Variants in MGAT4C observed in about 807,000 individuals in gnomAD.
The protein encoded by MGAT4C is MGAT4 family member C.
A neutral mutation model predicts 40.1 loss-of-function variants in MGAT4C; 19 were observed. That is an observed-to-expected ratio of 0.47 (90% CI 0.33 to 0.70). MGAT4C has a LOEUF of 0.70. Ranked by LOEUF, MGAT4C falls within the 30% of genes least tolerant of loss-of-function variation. The pLI is 0.02. For missense variants in MGAT4C, 491 were observed against 563.2 expected (o/e 0.87, Z 1.30); for synonymous variants, 181 against 187.1 (o/e 0.97, Z 0.27).
intron 1 of MGAT4C, among the ~76,000 whole-genome samples, chr12:86,753,297 G>A (rs1287569687): frequency 1.3e-5 from 2 of 152,158 alleles, no homozygotes; most frequent in Admixed American, 1.3e-4. Context: ...AAGCTACAAA[G>A]AAAAGCCTGA....
intron 2 of MGAT4C, among the ~76,000 whole-genome samples, chr12:86,635,904 ACTC>A (rs1963205908): frequency 6.6e-6 from 1 of 150,652 alleles, no homozygotes; most frequent in Non-Finnish European, 1.5e-5. Flanking sequence ...CTGGTCTTGA[ACTC>A]CTGGGCTCAA....
intron 2 of MGAT4C, among the ~76,000 whole-genome samples, chr12:86,459,312 C>A (rs992895738): frequency 3.3e-5 from 5 of 152,026 alleles, no homozygotes; most frequent in Admixed American, 2.0e-4. Context: ...ATGGCAATAT[C>A]ACTCCCATGA....
chr12:86,609,364 A>G (rs1007593579), intron 2 of MGAT4C, among the ~76,000 whole-genome samples: 1 of 152,124 alleles, frequency 6.6e-6, no homozygotes, highest in Non-Finnish European at 1.5e-5. Context: ...CAACAGAATC[A>G]ATATTTGTTA....
intron 1 of MGAT4C, among the ~76,000 whole-genome samples, chr12:86,199,260 C>G (rs990001519): frequency 6.6e-6 from 1 of 152,018 alleles, no homozygotes; most frequent in Non-Finnish European, 1.5e-5. Context: ...CAGTGTGTAG[C>G]AGCTGGAGTA....
chr12:86,259,225 AC>A (rs2136093287), upstream of MGAT4C, among the ~76,000 whole-genome samples: 1 of 152,152 alleles, frequency 6.6e-6, no homozygotes, highest in East Asian at 1.9e-4. Context: ...AAGTAGAGAT[AC>A]TAAACTTCAA....
chr12:86,599,903 G>C (rs1331874679), intron 2 of MGAT4C, among the ~76,000 whole-genome samples: 1 of 152,060 alleles, frequency 6.6e-6, no homozygotes, highest in Non-Finnish European at 1.5e-5. Context: ...CCTCCATGAA[G>C]TACACAGTGG....
At chr12:86,656,570 G>A (rs1016195847) in intron 2 of MGAT4C, among the ~76,000 whole-genome samples, 5 of 152,150 alleles carry the variant, frequency 3.3e-5, no homozygotes, top group African/African-American at 9.6e-5. Context: ...TTTCAAACAT[G>A]TGTGCTGGAA....
intron 2 of MGAT4C, among the ~76,000 whole-genome samples, chr12:86,626,966 C>G (rs1211709144): frequency 6.6e-6 from 1 of 152,188 alleles, no homozygotes. Context: ...CTTTCCTAGC[C>G]AAGGGAAGCC....
intron 2 of MGAT4C, among the ~76,000 whole-genome samples, chr12:86,625,631 A>G (rs1962779841): frequency 6.6e-6 from 1 of 152,144 alleles, no homozygotes; most frequent in Admixed American, 6.5e-5. Flanking sequence ...GGCACTGGAA[A>G]GCATACTAAC....
At chr12:86,580,266 T>C (rs574949084) in intron 2 of MGAT4C, among the ~76,000 whole-genome samples, 1 of 151,554 alleles carries the variant, frequency 6.6e-6, no homozygotes, top group East Asian at 1.9e-4. Context: ...CTACATGCTA[T>C]ATTTTCTCTA....
chr12:86,389,888 G>A (rs746104205), intron 3 of MGAT4C, among the ~76,000 whole-genome samples: 27 of 152,076 alleles, frequency 1.8e-4, no homozygotes, highest in South Asian at 4.2e-4. Flanking sequence ...ATATTTCACC[G>A]TAACAATGCC....
At chr12:86,445,131 T>C (rs1351447595) in intron 2 of MGAT4C, among the ~76,000 whole-genome samples, 1 of 152,156 alleles carries the variant, frequency 6.6e-6, no homozygotes, top group Non-Finnish European at 1.5e-5. Context: ...CAGTAGTATA[T>C]ACACGTGTCT....
At chr12:86,474,196 A>T (rs1957796687) in intron 2 of MGAT4C, among the ~76,000 whole-genome samples, 2 of 151,902 alleles carry the variant, frequency 1.3e-5, no homozygotes, top group African/African-American at 4.8e-5. Flanking sequence ...CAGCCATAAA[A>T]AATGATGAGT....
At chr12:86,449,314 A>G (rs1408608519) in intron 2 of MGAT4C, among the ~76,000 whole-genome samples, 1 of 152,122 alleles carries the variant, frequency 6.6e-6, no homozygotes. Context: ...GTGTTTAAAG[A>G]AGTTTTATTT....
intron 2 of MGAT4C, among the ~76,000 whole-genome samples, chr12:86,504,775 C>T (rs929090224): frequency 1.3e-5 from 2 of 152,064 alleles, no homozygotes; most frequent in African/African-American, 4.8e-5. Flanking sequence ...CAACCTCCGC[C>T]TCCCGGGTTC....
intron 4 of MGAT4C, among the ~76,000 whole-genome samples, chr12:86,332,134 T>C (rs1954682680): frequency 6.6e-6 from 1 of 152,128 alleles, no homozygotes; most frequent in Non-Finnish European, 1.5e-5. Context: ...CAGAATATAA[T>C]GAACAATTTT....
chr12:85,995,244 G>A (rs1033135870), intron 2 of MGAT4C, among the ~76,000 whole-genome samples: 2 of 152,276 alleles, frequency 1.3e-5, no homozygotes, highest in East Asian at 1.9e-4. Context: ...CAAACAGAAC[G>A]TAGAGATCTT....
intron 1 of MGAT4C, among the ~76,000 whole-genome samples, chr12:86,727,915 T>G (rs1019455841): frequency 2.0e-5 from 3 of 152,036 alleles, no homozygotes; most frequent in Admixed American, 1.3e-4. Flanking sequence ...AACAAAAAAC[T>G]CACTTAATTC....
At chr12:86,019,376 T>C (rs920767478) in intron 2 of MGAT4C, among the ~76,000 whole-genome samples, 1 of 152,172 alleles carries the variant, frequency 6.6e-6, no homozygotes. Context: ...GTCATACCTA[T>C]GTATGATAAA....
Sources: allele counts gnomAD v4.1 joint callset (sites outside exome capture counted in the v4.1 genomes callset), GRCh38; gene constraint gnomAD v4.1.1; transcripts MANE v1.5; gene names NCBI Gene and HGNC (gene_info 2026-07-23, HGNC 2026-07-21).